KCNIP1: variants seen among roughly 807,000 people sequenced by gnomAD.
KCNIP1 encodes potassium voltage-gated channel interacting protein 1.
Under a neutral mutation model 33.0 loss-of-function variants are expected in KCNIP1, and 18 were observed. The ratio of observed to expected loss-of-function variants is 0.55; its 90% confidence interval spans 0.38 to 0.81. The LOEUF is 0.81. Ranked by LOEUF, KCNIP1 falls within the 30% of genes least tolerant of loss-of-function variation. The probability of loss-of-function intolerance (pLI) is 0.00; values close to 1 mark genes in which losing one functional copy is unlikely to be tolerated. For missense variants in KCNIP1, 238 were observed against 271.6 expected (o/e 0.88, Z 0.87); for synonymous variants, 93 against 98.3 (o/e 0.95, Z 0.32).
At chr5:170,393,937 T>A (rs1754684124) in intron 1 of KCNIP1, among the ~76,000 whole-genome samples, 1 of 152,154 alleles carries the variant, frequency 6.6e-6, no homozygotes, top group South Asian at 2.1e-4. Flanking sequence ...GTAAGGTTGG[T>A]TTTTTTAAAA....
chr5:170,524,662 A>G (rs1467106623), intron 1 of KCNIP1, among the ~76,000 whole-genome samples: 1 of 147,100 alleles, frequency 6.8e-6, no homozygotes, highest in African/African-American at 2.5e-5. Flanking sequence ...GTGAAATCCA[A>G]GTGTGGGTGG....
At chr5:170,524,617 T>C (rs1235485590) in intron 1 of KCNIP1, among the ~76,000 whole-genome samples, 2 of 151,682 alleles carry the variant, frequency 1.3e-5, no homozygotes, top group Non-Finnish European at 2.9e-5. Context: ...TCTTATCAAG[T>C]GCCTGCTGCC....
intron 1 of KCNIP1, among the ~76,000 whole-genome samples, chr5:170,497,014 G>A (rs572137800): frequency 1.6e-4 from 24 of 152,112 alleles, no homozygotes; most frequent in Non-Finnish European, 3.4e-4. Context: ...GAGGGATCTC[G>A]GTGAAGTCTG....
intron 1 of KCNIP1, among the ~76,000 whole-genome samples, chr5:170,638,076 A>G (rs933378311): frequency 3.9e-5 from 6 of 151,976 alleles, no homozygotes; most frequent in Admixed American, 1.3e-4. Flanking sequence ...CAAGGCCTGG[A>G]TTTTAAGCAA....
intron 1 of KCNIP1, among the ~76,000 whole-genome samples, chr5:170,361,887 T>C (rs954355138): frequency 1.3e-5 from 2 of 151,890 alleles, no homozygotes; most frequent in African/African-American, 4.8e-5. Flanking sequence ...ACCTCAGGAG[T>C]GGGATTTCAA....
intron 1 of KCNIP1, among the ~76,000 whole-genome samples, chr5:170,596,520 G>T (rs1758445442): frequency 6.6e-6 from 1 of 152,222 alleles, no homozygotes; most frequent in African/African-American, 2.4e-5. Flanking sequence ...GTAGGGAAGA[G>T]GAATGGCACA....
chr5:170,604,141 A>G (rs1177037657), intron 1 of KCNIP1, among the ~76,000 whole-genome samples: 3 of 152,088 alleles, frequency 2.0e-5, no homozygotes, highest in South Asian at 2.1e-4. Flanking sequence ...CAGGTGTCTG[A>G]CTTGCCCAAC....
At position 170,514,038 on chromosome 5, in the gene KCNIP1, G is replaced by T. The variant is rs1048281631; in HGVS notation, c.61+9405G>T. Among the ~76,000 whole-genome samples, 4 of 152,194 alleles carry T rather than the reference G, an allele frequency of 2.6e-5. No individual in the cohort carries two copies. In the East Asian group the frequency reaches 7.7e-4, roughly 29 times the overall value. On this transcript the variant is annotated intron_variant, in intron 1 of 7. Transcript: ENST00000328939. ...GCAAGGACTTGAAGTGGATCTGATT[G>T]CGAGGCACTCCACCACCTGGGCTCC...
chr5:170,423,969 T>C (rs1198209693), intron 1 of KCNIP1, among the ~76,000 whole-genome samples: 1 of 152,266 alleles, frequency 6.6e-6, no homozygotes, highest in Non-Finnish European at 1.5e-5. Flanking sequence ...TTAAATCAAA[T>C]TCCCCATAGT....
At chr5:170,425,398 C>T (rs903287469) in intron 1 of KCNIP1, among the ~76,000 whole-genome samples, 1 of 152,212 alleles carries the variant, frequency 6.6e-6, no homozygotes, top group South Asian at 2.1e-4. Flanking sequence ...CAGGCTCAGG[C>T]CCCATGCAGG....
chr5:170,464,263 C>T lies in KCNIP1; in HGVS notation c.88+110299C>T, dbSNP rs575439216. The stretch of plus-strand genomic sequence containing the variant: ...ATTGATTTATAGGTTCAAAGTGATT[C>T]GATGCAATCTCTGTCAAAGTTTCAT... On this transcript the variant is annotated intron_variant, in intron 1 of 7. Transcript: ENST00000377360. Among the ~76,000 whole-genome samples the T allele has an allele frequency of 1.4e-3, 215 of 152,212 alleles. 1 individual carries two copies. The highest frequency in any genetic ancestry group is 2.5e-3 in the Non-Finnish European group (172 of 67,992).
At chr5:170,561,343 C>T (rs1187253827) in intron 1 of KCNIP1, among the ~76,000 whole-genome samples, 1 of 152,176 alleles carries the variant, frequency 6.6e-6, no homozygotes, top group Non-Finnish European at 1.5e-5. Context: ...GCAACCGTGA[C>T]TGAAGAGTGT....
intron 1 of KCNIP1, among the ~76,000 whole-genome samples, chr5:170,564,785 C>G (rs920027016): frequency 2.2e-4 from 34 of 152,090 alleles, no homozygotes; most frequent in Non-Finnish European, 4.6e-4. Flanking sequence ...GCAGAACAAA[C>G]AGACAAATTA....
intron 1 of KCNIP1, among the ~76,000 whole-genome samples, chr5:170,379,364 T>C (rs1204403613): frequency 1.3e-5 from 2 of 152,170 alleles, no homozygotes; most frequent in Non-Finnish European, 2.9e-5. Context: ...CACACAGAGC[T>C]ATCTAAGGAA....
rs1253344276 is a variant in KCNIP1, at chr5:170,584,194, T to TGCCATGGGCACTGGACCTGGGAGCA, written c.61+79566_61+79590dup. On this transcript the variant is annotated intron_variant, in intron 1 of 7. Coordinates refer to ENST00000328939, the MANE Select transcript of KCNIP1 (RefSeq NM_014592.4). ...AGTGCTGTGATCTATTAGTAATGTC[T>TGCCATGGGCACTGGACCTGGGAGCA]GCCATGGGCACTGGACCTGGGAGCA... Among the ~76,000 whole-genome samples the TGCCATGGGCACTGGACCTGGGAGCA allele has an allele frequency of 2.0e-5, 3 of 152,362 alleles. No individual in the cohort carries two copies. In the East Asian group the frequency reaches 5.8e-4, roughly 29 times the overall value.
At chr5:170,414,705 C>G (rs1317821331) in intron 1 of KCNIP1, among the ~76,000 whole-genome samples, 1 of 152,186 alleles carries the variant, frequency 6.6e-6, no homozygotes, top group East Asian at 1.9e-4. Flanking sequence ...TTGAATGGAT[C>G]CAAGTTTCAG....
At chr5:170,662,237 G>A (rs1227474614) in intron 1 of KCNIP1, among the ~76,000 whole-genome samples, 1 of 152,218 alleles carries the variant, frequency 6.6e-6, no homozygotes, top group Non-Finnish European at 1.5e-5. Context: ...AGCTCAGCCA[G>A]TGCAAAGAGT....
intron 1 of KCNIP1, among the ~76,000 whole-genome samples, chr5:170,456,907 A>G (rs1756395816): frequency 6.6e-6 from 1 of 151,936 alleles, no homozygotes; most frequent in Admixed American, 6.6e-5. Context: ...TTTTGTAGAG[A>G]TGAGGTTTCC....
At chr5:170,718,633 G>A (rs1763710454) in intron 1 of KCNIP1, 125 bp from the exon 2 acceptor site, 3 of 1,108,362 alleles carry the variant, frequency 2.7e-6, no homozygotes, top group Non-Finnish European at 3.9e-6. Flanking sequence ...GCCATTGGCA[G>A]TGTGACCCCA....
Sources: allele counts gnomAD v4.1 joint callset (sites outside exome capture counted in the v4.1 genomes callset), GRCh38; gene constraint gnomAD v4.1.1; transcripts MANE v1.5; gene names NCBI Gene and HGNC (gene_info 2026-07-23, HGNC 2026-07-21).